PLXDC2: variants seen among roughly 807,000 people sequenced by gnomAD.
PLXDC2 encodes plexin domain-containing protein 2.
A neutral mutation model predicts 68.9 loss-of-function variants in PLXDC2; 40 were observed. That is an observed-to-expected ratio of 0.58 (90% CI 0.45 to 0.76). PLXDC2 has a LOEUF of 0.76. PLXDC2 is among the 30% of genes least tolerant of loss of function. The pLI, the probability that PLXDC2 is intolerant of heterozygous loss-of-function variation, is 0.00. For synonymous variants in PLXDC2, 243 were observed against 234.2 expected (o/e 1.04, Z -0.34); for missense variants, 644 against 661.9 (o/e 0.97, Z 0.30).
chr10:20,075,752 G>T (rs1226556570), intron 4 of PLXDC2, among the ~76,000 whole-genome samples: 2 of 152,188 alleles, frequency 1.3e-5, no homozygotes, highest in Non-Finnish European at 1.5e-5. Context: ...ACTGAGCAGA[G>T]CATTGGCACA....
At chr10:19,984,136 A>C (rs1229126575) in intron 1 of PLXDC2, among the ~76,000 whole-genome samples, 3 of 152,226 alleles carry the variant, frequency 2.0e-5, no homozygotes, top group Non-Finnish European at 2.9e-5. Context: ...GTATAATTCA[A>C]GTTCCAGAAA....
At chr10:19,970,562 C>T (rs766010073) in intron 1 of PLXDC2, among the ~76,000 whole-genome samples, 12 of 152,176 alleles carry the variant, frequency 7.9e-5, no homozygotes, top group Non-Finnish European at 1.3e-4. Context: ...AAGTAGTAGC[C>T]TCCTCTATAG....
chr10:20,006,376 ACT>A (rs959389316), intron 2 of PLXDC2, among the ~76,000 whole-genome samples: 7 of 151,966 alleles, frequency 4.6e-5, no homozygotes, highest in Middle Eastern at 3.4e-3. Context: ...AGCTAGAAAG[ACT>A]CTGTGTGCTT....
intron 1 of PLXDC2, among the ~76,000 whole-genome samples, chr10:19,987,074 A>C (rs1834653881): frequency 6.6e-6 from 1 of 152,182 alleles, no homozygotes; most frequent in South Asian, 2.1e-4. Flanking sequence ...TGTTTGTATT[A>C]ATTGAAACAT....
intron 2 of PLXDC2, among the ~76,000 whole-genome samples, chr10:20,043,967 CT>C (rs1416807826): frequency 6.6e-6 from 1 of 152,028 alleles, no homozygotes; most frequent in African/African-American, 2.4e-5. Flanking sequence ...AGTTATGATT[CT>C]TTTCGTTGAC....
chr10:19,958,546 A>C (rs1223753735), intron 1 of PLXDC2, among the ~76,000 whole-genome samples: 1 of 152,134 alleles, frequency 6.6e-6, no homozygotes, highest in African/African-American at 2.4e-5. Context: ...CTGTAACCAG[A>C]TCTCCTCTTG....
intron 4 of PLXDC2, 92 bp downstream of exon 4, chr10:20,068,331 T>C (rs1403670433): frequency 6.5e-6 from 7 of 1,078,600 alleles, no homozygotes; most frequent in African/African-American, 1.6e-5. Flanking sequence ...GATGGATATT[T>C]ATTGAGAAAA....
intron 2 of PLXDC2, among the ~76,000 whole-genome samples, chr10:20,004,413 A>G (rs1457708230): frequency 6.6e-6 from 1 of 152,148 alleles, no homozygotes; most frequent in Non-Finnish European, 1.5e-5. Flanking sequence ...TGTTATAGCA[A>G]CTTGGGGTAG....
intron 4 of PLXDC2, among the ~76,000 whole-genome samples, chr10:20,120,765 T>C (rs1589638774): frequency 6.6e-6 from 1 of 152,272 alleles, no homozygotes; most frequent in East Asian, 1.9e-4. Flanking sequence ...AGTAGTAGAA[T>C]AGCAGATGGA....
intron 2 of PLXDC2, among the ~76,000 whole-genome samples, chr10:20,024,617 A>T (rs934862876): frequency 1.3e-5 from 2 of 152,034 alleles, no homozygotes; most frequent in African/African-American, 2.4e-5. Flanking sequence ...TTTATTTTAG[A>T]TACAAGGGGT....
At chr10:19,965,178 A>G (rs989417466) in intron 1 of PLXDC2, among the ~76,000 whole-genome samples, 1 of 152,202 alleles carries the variant, frequency 6.6e-6, no homozygotes, top group Non-Finnish European at 1.5e-5. Context: ...CTATTAAACT[A>G]GATGATCCAT....
intron 9 of PLXDC2, among the ~76,000 whole-genome samples, chr10:20,191,487 G>A (rs916372468): frequency 6.6e-6 from 1 of 151,198 alleles, no homozygotes; most frequent in East Asian, 2.0e-4. Context: ...GAAGACCTCT[G>A]TATTGACCCA....
In PLXDC2 at chr10:20,125,403, C is replaced by G. The variant is rs371808257; in HGVS notation, c.542-17892C>G. On this transcript the variant is annotated intron_variant, in intron 4 of 13. Transcript: ENST00000377252. ...GAAGTGGTGTAGAACTGATTGAAAG[C>G]TTGAACAAAATCCAACCTGTTTGTA... 3.9e-5 allele frequency among the ~76,000 whole-genome samples: 6 copies of G among 152,280 alleles called. No homozygotes were observed. The East Asian group carries it at 5.8e-4, about 15-fold the overall frequency.
At chr10:19,973,092 T>G (rs1008748200) in intron 1 of PLXDC2, among the ~76,000 whole-genome samples, 2 of 151,564 alleles carry the variant, frequency 1.3e-5, no homozygotes, top group Non-Finnish European at 2.9e-5. Context: ...TTAAAAAGAG[T>G]TTTTGGCTTT....
intron 1 of PLXDC2, among the ~76,000 whole-genome samples, chr10:19,885,564 C>G (rs1837828732): frequency 6.6e-6 from 1 of 152,016 alleles, no homozygotes; most frequent in African/African-American, 2.4e-5. Context: ...TTTCAGCTTT[C>G]TACATATGGC....
chr10:20,168,009 C>G (rs1834397292), intron 7 of PLXDC2, among the ~76,000 whole-genome samples: 1 of 152,026 alleles, frequency 6.6e-6, no homozygotes, highest in African/African-American at 2.4e-5. Context: ...ATTAAAGTAG[C>G]TTTATTTTCT....
chr10:20,281,561 A>G lies in PLXDC2; in HGVS notation c.*1742A>G, dbSNP rs1336143369. 1 of 152,188 alleles carries G rather than the reference A, an allele frequency of 6.6e-6. No homozygotes were observed. Among genetic ancestry groups the G allele is most frequent in the Non-Finnish European group, 1.5e-5 (1 of 68,026 alleles). 9.4% of individuals were successfully genotyped at this position (152,188 alleles called of 1,614,324 possible). The stretch of plus-strand genomic sequence containing the variant: ...TTTATCATCACAAGTGTCTGACGTG[A>G]ACGAATGCCATTTTCTATTCCATAT... On this transcript the variant is annotated 3_prime_UTR_variant, in exon 14 of 14. Transcript: ENST00000377252.
At chr10:19,956,219 C>T (rs983187605) in intron 1 of PLXDC2, among the ~76,000 whole-genome samples, 2 of 152,074 alleles carry the variant, frequency 1.3e-5, no homozygotes, top group Admixed American at 6.6e-5. Context: ...TACATGAAAA[C>T]GAGTCTTAAT....
intron 1 of PLXDC2, among the ~76,000 whole-genome samples, chr10:19,900,578 T>C (rs893790551): frequency 6.6e-6 from 1 of 152,104 alleles, no homozygotes; most frequent in Non-Finnish European, 1.5e-5. Flanking sequence ...TGCCTTATGG[T>C]TTTCTGTGTT....
Sources: allele counts gnomAD v4.1 joint callset (sites outside exome capture counted in the v4.1 genomes callset), GRCh38; gene constraint gnomAD v4.1.1; transcripts MANE v1.5; gene names NCBI Gene and HGNC (gene_info 2026-07-23, HGNC 2026-07-21).